Variants in LRIF1 observed in about 807,000 individuals in gnomAD.
The protein encoded by LRIF1 is ligand-dependent nuclear receptor-interacting factor 1.
Under a neutral mutation model 52.7 loss-of-function variants are expected in LRIF1, and 32 were observed. That is an observed-to-expected ratio of 0.61 (90% CI 0.46 to 0.82). LRIF1 has a LOEUF of 0.82. Ranked by LOEUF, LRIF1 falls within the 40% of genes least tolerant of loss-of-function variation. LRIF1 has a pLI of 0.00. For missense variants in LRIF1, 887 were observed against 892.0 expected (o/e 0.99, Z 0.07); for synonymous variants, 323 against 317.4 (o/e 1.02, Z -0.19).
At position 110,963,152 on chromosome 1, in the gene LRIF1, T is replaced by G. The variant is rs1413046503; in HGVS notation, c.68+469A>C. ...ATTACTTGAAATTTTAAATATTCGA[T>G]CTCCTCATTCTAAAGCCCTTTTTCT... On this transcript the variant is annotated intron_variant, in intron 1 of 3. Transcript: ENST00000369763. 2.0e-5 allele frequency: 3 copies of G among 152,524 alleles called. No individual in the cohort carries two copies. In the East Asian group the frequency reaches 5.8e-4, roughly 29 times the overall value. The allele number at this position is 152,524 out of a possible 1,614,324, so 9.4% of individuals were successfully genotyped here.
At chr1:110,913,829 G>GAC in the LRIF1 span, among the ~76,000 whole-genome samples, 1 of 152,040 alleles carries the variant, frequency 6.6e-6, no homozygotes, top group Non-Finnish European at 1.5e-5. Flanking sequence ...CTACCAAAAA[G>GAC]ACACACACAC....
the LRIF1 span, chr1:110,938,158 C>G: frequency 2.6e-5 from 4 of 152,046 alleles, no homozygotes; most frequent in African/African-American, 7.2e-5. Flanking sequence ...CAATCTCACT[C>G]AAACTATTCT....
chr1:110,952,096 A>C lies in LRIF1; in HGVS notation c.788T>G (p.Leu263Arg). The change falls in exon 2 of 4, where the codon CTA (leucine) becomes CGA (arginine). Residue 263 changes from leucine (L) to arginine (R), a missense_variant. Coordinates refer to ENST00000369763, the MANE Select transcript of LRIF1 (RefSeq NM_018372.4). Reference protein sequence around the residue: ...PVTEIAKPVILNTTQIPKNVA... With the variant: ...PVTEIAKPVIRNTTQIPKNVA... ...ATTCTTTGGAATTTGTGTGGTATTT[A>C]GTATTACTGGCTTTGCTATTTCTGT... is the stretch of plus-strand genomic sequence containing the variant. 6.2e-7 allele frequency: 1 copy of C among 1,614,178 alleles called. No homozygotes were observed. The highest frequency in any genetic ancestry group is 1.3e-5 in the African/African-American group (1 of 75,042).
At chr1:110,904,911 T>C in the LRIF1 span, among the ~76,000 whole-genome samples, 2 of 152,164 alleles carry the variant, frequency 1.3e-5, no homozygotes, top group Non-Finnish European at 1.5e-5. Flanking sequence ...GAATTAGGAA[T>C]TCTATCAGAT....
chr1:110,947,764 T>G lies in LRIF1; in HGVS notation c.*195A>C. On this transcript the variant is annotated 3_prime_UTR_variant, in exon 4 of 4. Coordinates refer to ENST00000369763, the MANE Select transcript of LRIF1 (RefSeq NM_018372.4). ...AAAAAAGGTATCTAAGACAAAGGTA[T>G]AGATACCCCATGTAAATTATTCACA... The G allele has an allele frequency of 1.7e-6, 1 of 581,974 alleles. No individual in the cohort carries two copies. Among genetic ancestry groups the G allele is most frequent in the South Asian group, 4.3e-5 (1 of 23,204 alleles). The allele number at this position is 581,974 out of a possible 1,614,324, so 36.1% of individuals were successfully genotyped here.
At chr1:110,890,825 G>A in the LRIF1 span, among the ~76,000 whole-genome samples, 3 of 152,316 alleles carry the variant, frequency 2.0e-5, no homozygotes, top group Admixed American at 6.5e-5. Flanking sequence ...GCTTAGTCAT[G>A]GTTGCATCTT....
the LRIF1 span, among the ~76,000 whole-genome samples, chr1:110,913,992 C>T: frequency 1.3e-5 from 2 of 152,024 alleles, no homozygotes; most frequent in Admixed American, 6.5e-5. Context: ...TCCTTTGCAG[C>T]GACATGGATG....
At chr1:110,963,592 CGT>C in intron 1 of LRIF1, 27 bp downstream of exon 1, 1 of 1,590,910 alleles carries the variant, frequency 6.3e-7, no homozygotes, top group Non-Finnish European at 8.6e-7. Context: ...GAGGGGCAGC[CGT>C]GGGGAGGATT....
chr1:110,900,412 G>T, the LRIF1 span, among the ~76,000 whole-genome samples: 29 of 152,286 alleles, frequency 1.9e-4, no homozygotes, highest in African/African-American at 6.7e-4. Context: ...TGTCACATAG[G>T]CTGGAGTGCA....
At chr1:110,956,752 G>A (rs1358101877) in intron 1 of LRIF1, among the ~76,000 whole-genome samples, 1 of 152,202 alleles carries the variant, frequency 6.6e-6, no homozygotes, top group Non-Finnish European at 1.5e-5. Flanking sequence ...CATGAGGGAA[G>A]ATGGTGAGCT....
At position 110,947,528 on chromosome 1, in the gene LRIF1, A is replaced by T. The variant is rs994486433; in HGVS notation, c.*431T>A. ...TTAAGGGTAAAGAGATAAAGCAAGTACATATACAAATCCACTGGAAAAGCT... is the reference window on the plus strand; with the variant it reads ...TTAAGGGTAAAGAGATAAAGCAAGTTCATATACAAATCCACTGGAAAAGCT... On this transcript the variant is annotated 3_prime_UTR_variant, in exon 4 of 4. Transcript: ENST00000369763. The T allele has an allele frequency of 4.5e-5, 7 of 155,676 alleles. No homozygotes were observed. Among genetic ancestry groups the T allele is most frequent in the African/African-American group, 1.7e-4 (7 of 41,478 alleles). 9.6% of individuals were successfully genotyped at this position (155,676 alleles called of 1,614,324 possible).
chr1:110,924,478 C>T, the LRIF1 span, among the ~76,000 whole-genome samples: 1 of 152,136 alleles, frequency 6.6e-6, no homozygotes, highest in African/African-American at 2.4e-5. Context: ...CAGCAAGGTA[C>T]CTTCTTCACA....
chr1:110,958,026 CACTATTG>C (rs1166325679), intron 1 of LRIF1, among the ~76,000 whole-genome samples: 2 of 152,118 alleles, frequency 1.3e-5, no homozygotes, highest in East Asian at 1.9e-4. Flanking sequence ...TGATTGCAGC[CACTATTG>C]ACTATTATGT....
At chr1:110,924,594 T>C in the LRIF1 span, among the ~76,000 whole-genome samples, 2 of 152,178 alleles carry the variant, frequency 1.3e-5, no homozygotes, top group African/African-American at 4.8e-5. Flanking sequence ...GAGAACAACA[T>C]GGAGGAAACC....
At chr1:110,910,900 TAGAA>T in the LRIF1 span, among the ~76,000 whole-genome samples, 4 of 152,142 alleles carry the variant, frequency 2.6e-5, no homozygotes, top group Admixed American at 2.6e-4. Flanking sequence ...ATCAAGATGT[TAGAA>T]AGGTCTCAAA....
intron 3 of LRIF1, among the ~76,000 whole-genome samples, chr1:110,949,057 T>C (rs1428137284): frequency 1.3e-5 from 2 of 152,036 alleles, no homozygotes; most frequent in African/African-American, 4.8e-5. Flanking sequence ...TTAAAACATA[T>C]CTTTAACTGG....
rs1268215027 is a variant in LRIF1, at chr1:110,952,172, C to G, written c.712G>C (p.Val238Leu). ...TVIYVSPVNT[V>L]KNVVTKNFQN... is the part of the protein sequence containing the mutation. ...AAGTTCTTGGTAACTACATTTTTCA[C>G]TGTATTTACAGGAGATACATAAATA... Residue 238 changes from valine to leucine, a missense_variant, in exon 2 of 4, where the codon GTG becomes CTG. By Grantham distance (32) the Val-to-Leu change is conservative. Coordinates refer to ENST00000369763, the MANE Select transcript of LRIF1 (RefSeq NM_018372.4). The G allele has an allele frequency of 7.4e-6, 12 of 1,614,188 alleles. No homozygotes were observed. Among genetic ancestry groups the G allele is most frequent in the South Asian group, 1.1e-5 (1 of 91,090 alleles).
At chr1:110,891,175 G>T in the LRIF1 span, among the ~76,000 whole-genome samples, 1 of 152,246 alleles carries the variant, frequency 6.6e-6, no homozygotes, top group Admixed American at 6.5e-5. Flanking sequence ...GTTAAGCATT[G>T]TTGGCTTGCC....
chr1:110,921,856 A>G, the LRIF1 span, among the ~76,000 whole-genome samples: 6 of 152,136 alleles, frequency 3.9e-5, no homozygotes, highest in Admixed American at 1.3e-4. Flanking sequence ...TTTCAGGGGT[A>G]TATGTGAAGG....
Sources: allele counts gnomAD v4.1 joint callset (sites outside exome capture counted in the v4.1 genomes callset), GRCh38; gene constraint gnomAD v4.1.1; transcripts MANE v1.5; gene names NCBI Gene and HGNC (gene_info 2026-07-23, HGNC 2026-07-21).